ZNF605: variants seen among roughly 807,000 people sequenced by gnomAD.
ZNF605 encodes the protein zinc finger protein 605.
ZNF605 carries 9 observed loss-of-function variants against 7.9 expected under a neutral mutation model. The observed-to-expected ratio is 1.14, with a 90% CI of 0.68 to 1.98. The LOEUF (loss-of-function observed/expected upper bound fraction) is 1.98. Ranked by LOEUF, ZNF605 falls within the 30% of genes most tolerant of loss-of-function variation. The pLI, the probability that ZNF605 is intolerant of heterozygous loss-of-function variation, is 0.00. For synonymous variants in ZNF605, 255 were observed against 260.1 expected, an observed-to-expected ratio of 0.98 and a Z score of 0.19; for missense variants, 673 against 762.4, an observed-to-expected ratio of 0.88 and a Z score of 1.38.
At chr12:132,940,748 T>A (rs1287816943) in intron 3 of ZNF605, among the ~76,000 whole-genome samples, 2 of 151,834 alleles carry the variant, frequency 1.3e-5, no homozygotes, top group East Asian at 3.9e-4. Flanking sequence ...AAAAAAAAAA[T>A]AATTTCAACT....
chr12:132,948,757 C>T (rs115680663), intron 1 of ZNF605: 26,167 of 152,284 alleles, frequency 0.17, 2,584 homozygotes, highest in Non-Finnish European at 0.23. Flanking sequence ...TACAGCCAGA[C>T]GCCACTCCTC....
chr12:132,937,379 A>AAAAAAT (rs1952378932), intron 3 of ZNF605, among the ~76,000 whole-genome samples: 2 of 149,844 alleles, frequency 1.3e-5, no homozygotes, highest in Non-Finnish European at 3.0e-5. Flanking sequence ...AAAAAAAAAA[A>AAAAAAT]AGAAAATGTA....
chr12:132,926,397 C>G lies in ZNF605; in HGVS notation c.902G>C (p.Arg301Thr). Residue 301 changes from arginine to threonine, a missense_variant, in exon 5 of 5, where the codon AGA becomes ACA. Transcript: ENST00000360187. ...SQKLKLITHQ[R>T]AHTGEKPYPC... ...ATAGGGTTTCTCTCCTGTGTGCGCTCTCTGATGTGTGATGAGTTTTAATTT... is the reference window on the plus strand; with the variant it reads ...ATAGGGTTTCTCTCCTGTGTGCGCTGTCTGATGTGTGATGAGTTTTAATTT... The G allele has an allele frequency of 6.2e-7, 1 of 1,614,120 alleles. No homozygotes were observed.
In ZNF605 at chr12:132,919,729, G is replaced by A. The variant is rs1350739104; in HGVS notation, c.*5644C>T. 6.6e-6 allele frequency: 1 copy of A among 152,054 alleles called. No homozygotes were observed. Among genetic ancestry groups the A allele is most frequent in the African/African-American group, 2.4e-5 (1 of 41,382 alleles). 9.4% of individuals were successfully genotyped at this position (152,054 alleles called of 1,614,324 possible). ...TAAATGAGAACTTCAAGTTATAAAT[G>A]TCCCTTCACTTACATTTCTTTTCAT... On this transcript the variant is annotated 3_prime_UTR_variant, in exon 5 of 5. Coordinates refer to ENST00000360187, the MANE Select transcript of ZNF605 (RefSeq NM_183238.4).
intron 4 of ZNF605, 69 bp downstream of exon 4, chr12:132,932,966 T>TG: frequency 6.6e-7 from 1 of 1,506,802 alleles, no homozygotes; most frequent in Non-Finnish European, 8.9e-7. Flanking sequence ...AAAACTTACA[T>TG]CCAAAATAAA....
chr12:132,933,665 G>A lies in ZNF605; in HGVS notation c.16-510C>T, dbSNP rs2137134169. On this transcript the variant is annotated intron_variant, in intron 3 of 4. Coordinates refer to ENST00000360187, the MANE Select transcript of ZNF605 (RefSeq NM_183238.4). This position sits in a 1 kb window ranked among gnomAD's most constrained non-coding sequence, Gnocchi z 4.4. The stretch of plus-strand genomic sequence containing the variant: ...ATGTTTGTTGTTTTCAGCCCTTGAG[G>A]TTTGGGGTAATTTGTGACACAATAA... 6.6e-6 allele frequency among the ~76,000 whole-genome samples: 1 copy of A among 152,292 alleles called. No homozygotes were observed. The highest frequency in any genetic ancestry group is 6.5e-5 in the Admixed American group (1 of 15,294).
At chr12:132,956,087 G>T (rs1054118341) in intron 1 of ZNF605, among the ~76,000 whole-genome samples, 156 bp downstream of exon 1, 7 of 144,256 alleles carry the variant, frequency 4.9e-5, no homozygotes, top group African/African-American at 1.8e-4. Context: ...AGGCCGGTCC[G>T]CAGGCCTTTC....
At position 132,926,201 on chromosome 12, in the gene ZNF605, T is replaced by G; in HGVS notation, c.1098A>C (p.Glu366Asp). The G allele has an allele frequency of 6.2e-7, 1 of 1,614,202 alleles. No homozygotes were observed. Among genetic ancestry groups the G allele is most frequent in the Non-Finnish European group, 8.5e-7 (1 of 1,180,042 alleles). ...QRIHTGEKPY[E>D]CNECGEAFIR... is the part of the protein sequence containing the mutation. Reference sequence around the variant, plus strand: ...TGAAGGCTTCACCACATTCGTTGCATTCGTAGGGCTTCTCTCCTGTATGAA... The same window carrying G: ...TGAAGGCTTCACCACATTCGTTGCAGTCGTAGGGCTTCTCTCCTGTATGAA... Residue 366 changes from glutamate to aspartate, a missense_variant, in exon 5 of 5, where the codon GAA becomes GAC. Glu to Asp is a conservative substitution (Grantham distance 45). Transcript: ENST00000360187.
Position 132,933,111 on chromosome 12 carries a change from C to T in ZNF605, c.60G>A (p.Trp20Ter). The change falls in exon 4 of 5, where the codon TGG becomes TGA. Residue 20 changes from tryptophan (W) to a stop codon, truncating the protein, a stop_gained. Transcript: ENST00000360187. LOFTEE classifies it high-confidence loss of function. This position sits in a 1 kb window ranked among gnomAD's most constrained non-coding sequence, Gnocchi z 4.4. The stretch of plus-strand genomic sequence containing the variant: ...TCTTCTGAGTAGGATTAAGTAGCTG[C>T]CATTCCTCCAGCGTGAAATCCACAG... ...DVAVDFTLEEWQLLNPTQKNL... is the reference protein window; with the variant it reads ...DVAVDFTLEE 1 of 1,611,742 alleles carries T rather than the reference C, an allele frequency of 6.2e-7. No homozygotes were observed. The highest frequency in any genetic ancestry group is 8.5e-7 in the Non-Finnish European group (1 of 1,178,374).
chr12:132,935,675 G>C (rs970689334), intron 3 of ZNF605, among the ~76,000 whole-genome samples: 6,825 of 130,356 alleles, frequency 0.052, no homozygotes, highest in Non-Finnish European at 0.074. Flanking sequence ...GGTGGATCAC[G>C]AGGTAAGGAG....
intron 2 of ZNF605, among the ~76,000 whole-genome samples, chr12:132,947,016 T>C (rs796847402): frequency 3.1e-5 from 1 of 32,336 alleles, no homozygotes; most frequent in Non-Finnish European, 7.3e-5. Context: ...TTGTTTTTTT[T>C]TGGTTTTTTT....
At chr12:132,951,757 A>G (rs1952572159) in intron 1 of ZNF605, among the ~76,000 whole-genome samples, 2 of 151,982 alleles carry the variant, frequency 1.3e-5, no homozygotes, top group African/African-American at 4.8e-5. Context: ...TGTACAACAC[A>G]CATCACACAG....
chr12:132,949,526 G>A (rs112562178), intron 1 of ZNF605, among the ~76,000 whole-genome samples: 6,083 of 152,158 alleles, frequency 0.04, 422 homozygotes, highest in African/African-American at 0.14. Flanking sequence ...TGTCGCCACC[G>A]GACTTTGGGT....
intron 3 of ZNF605, among the ~76,000 whole-genome samples, chr12:132,939,370 G>A (rs1952407596): frequency 6.6e-6 from 1 of 152,166 alleles, no homozygotes; most frequent in Non-Finnish European, 1.5e-5. Flanking sequence ...TTTATGTCTA[G>A]CTCAAGGATT....
chr12:132,945,901 T>C, intron 2 of ZNF605, 104 bp from the exon 3 acceptor site: 8 of 605,182 alleles, frequency 1.3e-5, no homozygotes, highest in South Asian at 1.2e-4. Flanking sequence ...AGTCTCGAAC[T>C]AGATGTTGGG....
rs558205893 is a variant in ZNF605 at position 132,919,601 on chromosome 12, G to A, written c.*5772C>T. The A allele has an allele frequency of 2.0e-5, 3 of 151,584 alleles. No individual in the cohort carries two copies. The South Asian group carries it at 6.3e-4, about 32-fold the overall frequency. The allele number at this position is 151,584 out of a possible 1,614,324, so 9.4% of individuals were successfully genotyped here. A position where few individuals can be genotyped will look rare whatever the true frequency, so the allele number is the denominator to read the frequency against. The stretch of plus-strand genomic sequence containing the variant: ...AGACGGGGTTTCACCTTGTTAGCCA[G>A]GATGGTCTCAATCTCCTGACCTCGT... On this transcript the variant is annotated 3_prime_UTR_variant, in exon 5 of 5. Transcript: ENST00000360187.
chr12:132,934,465 G>C (rs1952340921), intron 3 of ZNF605, among the ~76,000 whole-genome samples: 1 of 151,858 alleles, frequency 6.6e-6, no homozygotes, highest in East Asian at 1.9e-4. Flanking sequence ...CAGCACTTTG[G>C]GAGGCCAAGG....
At chr12:132,952,712 C>T (rs1952585304) in intron 1 of ZNF605, among the ~76,000 whole-genome samples, 1 of 151,676 alleles carries the variant, frequency 6.6e-6, no homozygotes, top group African/African-American at 2.4e-5. Context: ...GGAAATTCTA[C>T]AAGGAGAAGA....
chr12:132,926,219 T>C lies in ZNF605; in HGVS notation c.1080A>G (p.Thr360=), dbSNP rs1450176605. 8 of 1,614,024 alleles carry C rather than the reference T, an allele frequency of 5.0e-6. No individual in the cohort carries two copies. In the African/African-American group the frequency reaches 1.1e-4, roughly 22 times the overall value. ...CGTTGCATTCGTAGGGCTTCTCTCCTGTATGAATCCTCTGATGCCTAATGA... is the reference window on the plus strand; with the variant it reads ...CGTTGCATTCGTAGGGCTTCTCTCCCGTATGAATCCTCTGATGCCTAATGA... ...SLLIRHQRIH[T]GEKPYECNEC... is the part of the protein sequence containing the mutation. Residue 360 remains threonine, a synonymous_variant, in exon 5 of 5, where the codon ACA becomes ACG. Coordinates refer to ENST00000360187, the MANE Select transcript of ZNF605 (RefSeq NM_183238.4).
Sources: allele counts gnomAD v4.1 joint callset (sites outside exome capture counted in the v4.1 genomes callset), GRCh38; gene constraint gnomAD v4.1.1; non-coding constraint Gnocchi (gnomAD v3.1); transcripts MANE v1.5; gene names NCBI Gene and HGNC (gene_info 2026-07-23, HGNC 2026-07-21).